The following CNTNAP2 variants were observed in gnomAD, a reference collection of about 807,000 sequenced individuals.
CNTNAP2 encodes the protein contactin-associated protein-like 2.
Under a neutral mutation model 155.2 loss-of-function variants are expected in CNTNAP2, and 98 were observed. That is an observed-to-expected ratio of 0.63 (90% CI 0.54 to 0.75). CNTNAP2 has a LOEUF of 0.75. Among genes scored for constraint, CNTNAP2 ranks in the 30% least tolerant of loss-of-function variants. The pLI is 0.00. For missense variants in CNTNAP2, 1,727 were observed against 1,688.1 expected (o/e 1.02, Z -0.40); for synonymous variants, 651 against 631.2 (o/e 1.03, Z -0.47).
rs563442161 is a variant in CNTNAP2, at chr7:148,022,149, T to C, written c.2383+44160T>C. Among the ~76,000 whole-genome samples, 70 of 151,618 alleles carry C rather than the reference T, an allele frequency of 4.6e-4. 1 individual carries two copies. Among genetic ancestry groups the C allele is most frequent in the African/African-American group, 1.6e-3 (66 of 41,202 alleles). ...ATATGTAAACCTGTCATTAGGGTTC[T>C]TTAAATCAAGGCTTTTTGATGACAA... On this transcript the variant is annotated intron_variant, in intron 15 of 23. Coordinates refer to ENST00000361727, the MANE Select transcript of CNTNAP2 (RefSeq NM_014141.6).
intron 1 of CNTNAP2, among the ~76,000 whole-genome samples, chr7:146,293,714 TG>T (rs900352027): frequency 2.0e-5 from 3 of 152,174 alleles, no homozygotes; most frequent in African/African-American, 7.2e-5. Context: ...ATGTTTGATT[TG>T]CTTAATGCTC....
At chr7:146,160,907 A>G (rs1798211202) in intron 1 of CNTNAP2, among the ~76,000 whole-genome samples, 1 of 152,188 alleles carries the variant, frequency 6.6e-6, no homozygotes, top group Non-Finnish European at 1.5e-5. Flanking sequence ...AAAAAAAGAG[A>G]ATTTTAGACC....
chr7:147,366,781 G>GCA (rs71182194), intron 9 of CNTNAP2, among the ~76,000 whole-genome samples: 38,359 of 105,658 alleles, frequency 0.36, 4,831 homozygotes, highest in South Asian at 0.47. Context: ...TTTGTTGCAC[G>GCA]CACACACACA....
intron 22 of CNTNAP2, among the ~76,000 whole-genome samples, chr7:148,408,246 C>T (rs1044274155): frequency 3.3e-5 from 5 of 152,034 alleles, no homozygotes; most frequent in African/African-American, 7.3e-5. Flanking sequence ...GAGACCCTTT[C>T]CCCACACTGC....
chr7:148,393,142 TACCTAACTACAAGCTGA>T (rs1799390231), intron 22 of CNTNAP2, among the ~76,000 whole-genome samples: 1 of 151,876 alleles, frequency 6.6e-6, no homozygotes, highest in Non-Finnish European at 1.5e-5. Flanking sequence ...TTCTGTTTTC[TACCTAACTACAAGCTGA>T]TCATTGGTTT....
chr7:147,164,765 G>A (rs184672424), intron 8 of CNTNAP2, among the ~76,000 whole-genome samples: 4 of 152,206 alleles, frequency 2.6e-5, no homozygotes, highest in Admixed American at 6.5e-5. Context: ...ATTGAGGGGC[G>A]ACCACATCAA....
In CNTNAP2 at chr7:146,649,048, C is replaced by A. The variant is rs531408478; in HGVS notation, c.98-125223C>A. 6.6e-5 allele frequency among the ~76,000 whole-genome samples: 10 copies of A among 152,136 alleles called. No homozygotes were observed. The East Asian group carries it at 1.9e-3, about 29-fold the overall frequency. ...TCACTAGGATAAACCAAAAAGTAAA[C>A]TGAAAATGAAGACCAAAGTGGATTT... is the stretch of plus-strand genomic sequence containing the variant. On this transcript the variant is annotated intron_variant, in intron 1 of 23. Coordinates refer to ENST00000361727, the MANE Select transcript of CNTNAP2 (RefSeq NM_014141.6).
intron 3 of CNTNAP2, among the ~76,000 whole-genome samples, chr7:146,986,373 G>T (rs182004148): frequency 6.6e-6 from 1 of 152,042 alleles, no homozygotes; most frequent in Non-Finnish European, 1.5e-5. Flanking sequence ...TCATATATAT[G>T]TACACCGCAG....
At chr7:147,211,510 A>T (rs571723260) in intron 8 of CNTNAP2, among the ~76,000 whole-genome samples, 133 of 152,242 alleles carry the variant, frequency 8.7e-4, no homozygotes, top group African/African-American at 3.1e-3. Flanking sequence ...AAATAAAGCC[A>T]CACACCTCCA....
chr7:147,254,573 T>C (rs1160619194), intron 8 of CNTNAP2, among the ~76,000 whole-genome samples: 1 of 152,212 alleles, frequency 6.6e-6, no homozygotes, highest in African/African-American at 2.4e-5. Context: ...TGTTAAACTT[T>C]TAGTTAAATG....
intron 15 of CNTNAP2, among the ~76,000 whole-genome samples, chr7:148,028,171 C>T (rs993765479): frequency 2.0e-5 from 3 of 152,160 alleles, no homozygotes; most frequent in Admixed American, 2.0e-4. Flanking sequence ...CATAAGGTTA[C>T]TTTCACTAAA....
At chr7:146,557,206 C>T (rs891648726) in intron 1 of CNTNAP2, among the ~76,000 whole-genome samples, 5 of 151,802 alleles carry the variant, frequency 3.3e-5, no homozygotes, top group African/African-American at 7.3e-5. Flanking sequence ...AACTCACTCC[C>T]GATATTTAGA....
intron 1 of CNTNAP2, among the ~76,000 whole-genome samples, chr7:146,185,054 A>G (rs1327570318): frequency 6.6e-6 from 1 of 152,168 alleles, no homozygotes; most frequent in Non-Finnish European, 1.5e-5. Flanking sequence ...TGAATTCAGA[A>G]CACAGGTTGT....
chr7:146,965,699 G>C (rs1797643770), intron 3 of CNTNAP2, among the ~76,000 whole-genome samples: 1 of 152,008 alleles, frequency 6.6e-6, no homozygotes, highest in Admixed American at 6.6e-5. Flanking sequence ...TTTATAGAGA[G>C]GTGAATCTGC....
At chr7:148,050,101 A>C (rs1167665661) in intron 15 of CNTNAP2, among the ~76,000 whole-genome samples, 1 of 152,188 alleles carries the variant, frequency 6.6e-6, no homozygotes, top group Non-Finnish European at 1.5e-5. Flanking sequence ...GGCAGTTTGC[A>C]GTAAGCCAAG....
At chr7:147,391,144 C>T (rs940279925) in intron 9 of CNTNAP2, among the ~76,000 whole-genome samples, 20 of 152,160 alleles carry the variant, frequency 1.3e-4, no homozygotes, top group African/African-American at 4.8e-4. Flanking sequence ...ACCACATATA[C>T]AATGGTAGAT....
At chr7:147,012,548 T>C (rs1798646711) in intron 3 of CNTNAP2, among the ~76,000 whole-genome samples, 1 of 152,148 alleles carries the variant, frequency 6.6e-6, no homozygotes, top group African/African-American at 2.4e-5. Context: ...TAAATAGTAG[T>C]TCTAATTGTG....
chr7:146,679,069 T>C (rs1181074818), intron 1 of CNTNAP2, among the ~76,000 whole-genome samples: 1 of 152,202 alleles, frequency 6.6e-6, no homozygotes, highest in East Asian at 1.9e-4. Context: ...GGTAAACTTG[T>C]GTCTTGGAGG....
rs758287508 is a variant in CNTNAP2 at position 148,172,305 on chromosome 7, C to T, written c.2837C>T (p.Thr946Ile). The change falls in exon 18 of 24, where the codon ACA (threonine) becomes ATA (isoleucine). Residue 946 changes from threonine (T) to isoleucine (I), a missense_variant. By Grantham distance (89) the Thr-to-Ile change is moderately conservative. Transcript: ENST00000361727. The part of the protein sequence containing the change: ...CIRSLRMNGV[T>I]LDLEERAKVT... ...CGCTCCTTGAGGATGAATGGGGTGA[C>T]ACTTGACCTGGAGGAAAGAGCAAAG... 1.9e-6 allele frequency: 3 copies of T among 1,614,142 alleles called. No individual in the cohort carries two copies. Among genetic ancestry groups the T allele is most frequent in the South Asian group, 1.1e-5 (1 of 91,088 alleles).
Sources: gnomAD v4.1 joint callset for allele counts (sites outside exome capture counted in the v4.1 genomes callset) on GRCh38, gnomAD v4.1.1 for gene constraint, MANE v1.5 for transcripts, NCBI Gene and HGNC (gene_info 2026-07-23, HGNC 2026-07-21) for gene names.